TNIP3: variants seen among roughly 807,000 people sequenced by gnomAD.
The protein encoded by TNIP3 is TNFAIP3-interacting protein 3.
A neutral mutation model predicts 54.1 loss-of-function variants in TNIP3; 34 were observed. The ratio of observed to expected loss-of-function variants is 0.63; its 90% CI spans 0.48 to 0.84. TNIP3 has a LOEUF of 0.84. Ranked by LOEUF, TNIP3 falls within the 40% of genes least tolerant of loss-of-function variation. TNIP3 has a pLI of 0.00. For synonymous variants in TNIP3, 134 were observed against 136.8 expected (o/e 0.98, Z 0.14); for missense variants, 366 against 387.6 (o/e 0.94, Z 0.47).
chr4:121,204,732 T>C (rs1726087189), intron 2 of TNIP3, among the ~76,000 whole-genome samples: 1 of 152,174 alleles, frequency 6.6e-6, no homozygotes, highest in Non-Finnish European at 1.5e-5. Context: ...CAACGTTAGA[T>C]TGTTGGGTCC....
At chr4:121,137,933 T>A (rs1171048108) in intron 10 of TNIP3, 2 of 456,176 alleles carry the variant, frequency 4.4e-6, no homozygotes, top group Admixed American at 4.7e-5. Flanking sequence ...AAGTGGGATT[T>A]TGATTATAGC....
intron 2 of TNIP3, among the ~76,000 whole-genome samples, chr4:121,214,441 C>T: frequency 6.6e-6 from 1 of 152,140 alleles, no homozygotes; most frequent in Admixed American, 6.5e-5. Context: ...AATTGCATTG[C>T]TGGCTGTGGA....
chr4:121,157,240 C>T lies in TNIP3; in HGVS notation c.217G>A (p.Ala73Thr), dbSNP rs368477094. Residue 73 changes from alanine to threonine, a missense_variant, in exon 4 of 11, where the codon GCA becomes ACA. Coordinates refer to ENST00000057513, the MANE Select transcript of TNIP3 (RefSeq NM_024873.6). ...GCGTCCAGTTTCGTCTTCAGCTCTGCTACCTGAGGAGGTCGTTCAAAGACA... is the reference window on the plus strand; with the variant it reads ...GCGTCCAGTTTCGTCTTCAGCTCTGTTACCTGAGGAGGTCGTTCAAAGACA... Reference protein sequence around the residue: ...SMKELYERKVAELKTKLDAAE... With the variant: ...SMKELYERKVTELKTKLDAAE... The T allele has an allele frequency of 6.2e-7, 1 of 1,614,142 alleles. No individual in the cohort carries two copies.
chr4:121,203,865 G>A (rs1401051944), intron 2 of TNIP3, among the ~76,000 whole-genome samples: 1 of 150,056 alleles, frequency 6.7e-6, no homozygotes, highest in African/African-American at 2.4e-5. Context: ...TTTTCTCTGT[G>A]TTTATACAAA....
chr4:121,187,638 A>G (rs1220148203), intron 2 of TNIP3, among the ~76,000 whole-genome samples: 1 of 152,234 alleles, frequency 6.6e-6, no homozygotes, highest in Non-Finnish European at 1.5e-5. Flanking sequence ...GAAAACAACT[A>G]TAGGTCCCTC....
At chr4:121,216,188 C>T (rs1726781452) in intron 2 of TNIP3, among the ~76,000 whole-genome samples, 1 of 152,154 alleles carries the variant, frequency 6.6e-6, no homozygotes, top group African/African-American at 2.4e-5. Context: ...ATCAAATTAT[C>T]TTCATAACCT....
At chr4:121,194,323 T>G (rs1334149645) in intron 2 of TNIP3, among the ~76,000 whole-genome samples, 2 of 152,162 alleles carry the variant, frequency 1.3e-5, no homozygotes, top group African/African-American at 2.4e-5. Flanking sequence ...TAAAATTATT[T>G]TATAAGTGCA....
intron 5 of TNIP3, among the ~76,000 whole-genome samples, chr4:121,153,328 C>T (rs532058686): frequency 5.9e-5 from 9 of 152,184 alleles, no homozygotes; most frequent in Non-Finnish European, 1.2e-4. Flanking sequence ...CTTGGCTGTT[C>T]TAATATCTAC....
intron 2 of TNIP3, among the ~76,000 whole-genome samples, chr4:121,206,939 C>T (rs371745145): frequency 9.5e-4 from 144 of 152,120 alleles, no homozygotes; most frequent in African/African-American, 3.3e-3. Flanking sequence ...GGGAGTTGTA[C>T]ATGAATTCAA....
At chr4:121,207,603 A>G (rs906829246) in intron 2 of TNIP3, among the ~76,000 whole-genome samples, 24 of 152,214 alleles carry the variant, frequency 1.6e-4, no homozygotes, top group Non-Finnish European at 1.2e-4. Context: ...GATTTGGGGC[A>G]TGGCAGCCAC....
intron 6 of TNIP3, 101 bp from the exon 7 acceptor site, chr4:121,147,275 G>C: frequency 7.1e-7 from 1 of 1,416,734 alleles, no homozygotes; most frequent in Middle Eastern, 2.0e-4. Flanking sequence ...TTATTGTAAA[G>C]AACCCTCCCA....
intron 7 of TNIP3, among the ~76,000 whole-genome samples, chr4:121,144,789 T>TG (rs1191934495): frequency 1.3e-5 from 2 of 152,218 alleles, no homozygotes; most frequent in East Asian, 3.8e-4. Context: ...GCAGGTATAC[T>TG]AAAAGAGGTT....
chr4:121,185,637 T>C (rs1724973260), intron 2 of TNIP3, among the ~76,000 whole-genome samples: 1 of 152,154 alleles, frequency 6.6e-6, no homozygotes, highest in South Asian at 2.1e-4. Flanking sequence ...TACCTAATTA[T>C]TAACTCAAAT....
chr4:121,202,413 T>C (rs1299557602), intron 2 of TNIP3, among the ~76,000 whole-genome samples: 1 of 152,000 alleles, frequency 6.6e-6, no homozygotes, highest in Non-Finnish European at 1.5e-5. Context: ...AAAAATCAAC[T>C]CAAGATGGAG....
chr4:121,171,138 A>G (rs1161917327), intron 3 of TNIP3, among the ~76,000 whole-genome samples: 1 of 152,160 alleles, frequency 6.6e-6, no homozygotes, highest in Admixed American at 6.5e-5. Context: ...CTTTTGTCAG[A>G]TTAAGTTTGT....
At chr4:121,183,093 C>G (rs1210785100) in intron 2 of TNIP3, among the ~76,000 whole-genome samples, 2 of 152,152 alleles carry the variant, frequency 1.3e-5, no homozygotes, top group Admixed American at 1.3e-4. Context: ...TTCTTTCACG[C>G]ATTTTCTTAT....
chr4:121,207,576 A>G (rs1169246889), intron 2 of TNIP3, among the ~76,000 whole-genome samples: 145 of 152,338 alleles, frequency 9.5e-4, no homozygotes, highest in Non-Finnish European at 2.4e-4. Context: ...TTAGTTAATA[A>G]AAACAATAAG....
At chr4:121,227,278 C>T (rs1579522167) in intron 1 of TNIP3, 9 of 1,001,148 alleles carry the variant, frequency 9.0e-6, no homozygotes, top group Non-Finnish European at 1.3e-5. Flanking sequence ...TTATATATGT[C>T]TTTTTAATAT....
At chr4:121,174,002 AT>A (rs1307843900) in intron 3 of TNIP3, among the ~76,000 whole-genome samples, 1 of 152,244 alleles carries the variant, frequency 6.6e-6, no homozygotes, top group East Asian at 1.9e-4. Context: ...AAGTACTAGA[AT>A]ATGAAGATGA....
Sources: gnomAD v4.1 joint callset for allele counts (sites outside exome capture counted in the v4.1 genomes callset) on GRCh38, gnomAD v4.1.1 for gene constraint, MANE v1.5 for transcripts, NCBI Gene and HGNC (gene_info 2026-07-23, HGNC 2026-07-21) for gene names.